Variants in SHC3 observed in about 807,000 individuals in gnomAD.
The protein encoded by SHC3 is SHC adaptor protein 3.
Under a neutral mutation model 60.4 loss-of-function variants are expected in SHC3, and 15 were observed. The ratio of observed to expected loss-of-function variants is 0.25; its 90% confidence interval spans 0.17 to 0.38. The LOEUF is 0.38. Ranked by LOEUF, SHC3 falls within the 10% of genes least tolerant of loss-of-function variation. The probability of loss-of-function intolerance (pLI) is 1.00; values close to 1 mark genes in which losing one functional copy is unlikely to be tolerated. For synonymous variants in SHC3, 294 were observed against 325.9 expected (o/e 0.90, Z 1.05); for missense variants, 677 against 786.1 (o/e 0.86, Z 1.66).
chr9:89,163,494 A>G (rs544225930), intron 1 of SHC3, among the ~76,000 whole-genome samples: 2 of 149,360 alleles, frequency 1.3e-5, no homozygotes, highest in African/African-American at 2.5e-5. Flanking sequence ...TATCGCAAGA[A>G]CAAAAAACCA....
chr9:89,071,164 A>G (rs1825264156), intron 5 of SHC3, 35 bp downstream of exon 5: 1 of 1,609,372 alleles, frequency 6.2e-7, no homozygotes, highest in Non-Finnish European at 8.5e-7. Flanking sequence ...AGAAATTCCC[A>G]ACAAGAGCAA....
chr9:89,090,059 G>A (rs1010565174), intron 2 of SHC3, among the ~76,000 whole-genome samples: 1 of 152,196 alleles, frequency 6.6e-6, no homozygotes, highest in Non-Finnish European at 1.5e-5. Flanking sequence ...GATAAATCAC[G>A]GTCAGCGAGG....
At chr9:89,066,019 A>G (rs148721433) in intron 5 of SHC3, among the ~76,000 whole-genome samples, 3 of 152,292 alleles carry the variant, frequency 2.0e-5, no homozygotes, top group Non-Finnish European at 2.9e-5. Flanking sequence ...AGGCCTGTGC[A>G]TTCGTTTTTA....
chr9:89,052,677 T>C (rs186213853), intron 6 of SHC3, among the ~76,000 whole-genome samples: 3 of 152,298 alleles, frequency 2.0e-5, no homozygotes, highest in East Asian at 1.9e-4. Flanking sequence ...TTGATCACCA[T>C]ATGTGGCCAC....
intron 7 of SHC3, 77 bp downstream of exon 7, chr9:89,051,960 C>T: frequency 6.3e-7 from 1 of 1,580,188 alleles, no homozygotes; most frequent in Non-Finnish European, 8.6e-7. Context: ...CAGAACACAG[C>T]TCAGGGATGT....
chr9:89,078,666 T>C (rs1176636398), intron 2 of SHC3, among the ~76,000 whole-genome samples: 1 of 152,056 alleles, frequency 6.6e-6, no homozygotes, highest in Non-Finnish European at 1.5e-5. Flanking sequence ...AGCTGAGGGC[T>C]AGGGTGGCAG....
At chr9:89,103,623 G>A (rs73498176) in intron 2 of SHC3, among the ~76,000 whole-genome samples, 16,723 of 152,176 alleles carry the variant, frequency 0.11, 1,035 homozygotes, top group African/African-American at 0.16. Flanking sequence ...TTATCAATAC[G>A]GAGAGCATAA....
chr9:89,021,926 A>G (rs1826208323), intron 11 of SHC3, among the ~76,000 whole-genome samples: 1 of 152,164 alleles, frequency 6.6e-6, no homozygotes, highest in African/African-American at 2.4e-5. Flanking sequence ...GGGCTTCCAG[A>G]GCAAGACTAC....
intron 1 of SHC3, among the ~76,000 whole-genome samples, chr9:89,160,378 C>T (rs565964347): frequency 6.6e-6 from 1 of 152,308 alleles, no homozygotes; most frequent in African/African-American, 2.4e-5. Context: ...CCCAGCCCAC[C>T]ACTGATCTCT....
chr9:89,109,968 A>C lies in SHC3; in HGVS notation c.545+2588T>G, dbSNP rs1240232628. 4.1e-6 allele frequency: 4 copies of C among 985,430 alleles called. No individual in the cohort carries two copies. In the East Asian group the frequency reaches 3.4e-4, roughly 84 times the overall value. The allele number at this position is 985,430 out of a possible 1,614,324, so 61.0% of individuals were successfully genotyped here. A position where few individuals can be genotyped will look rare whatever the true frequency, so the allele number is the denominator to read the frequency against. ...GTTCCTTCATTTATACCTATGCCTC[A>C]TTGTTTTATTAAGGTAAGCAAGCAA... On this transcript the variant is annotated intron_variant, in intron 2 of 11. Transcript: ENST00000375835.
chr9:89,029,604 C>T (rs1450420924), intron 11 of SHC3, among the ~76,000 whole-genome samples: 3 of 152,008 alleles, frequency 2.0e-5, no homozygotes, highest in African/African-American at 7.3e-5. Context: ...TCCAAGAGTC[C>T]AATGAAAATA....
intron 1 of SHC3, among the ~76,000 whole-genome samples, chr9:89,136,450 A>G (rs1308335587): frequency 6.6e-6 from 1 of 152,178 alleles, no homozygotes; most frequent in African/African-American, 2.4e-5. Context: ...TGGCGATGAG[A>G]GTGACTTCTG....
At chr9:89,056,435 C>T (rs1406866251) in intron 6 of SHC3, among the ~76,000 whole-genome samples, 4 of 152,108 alleles carry the variant, frequency 2.6e-5, no homozygotes, top group African/African-American at 9.7e-5. Context: ...GATAGGGTTT[C>T]ACCATGTTGA....
At chr9:89,144,913 A>G (rs1172770789) in intron 1 of SHC3, among the ~76,000 whole-genome samples, 1 of 152,150 alleles carries the variant, frequency 6.6e-6, no homozygotes, top group Non-Finnish European at 1.5e-5. Flanking sequence ...TGGCGAGGAT[A>G]TATCCTTTCT....
intron 1 of SHC3, among the ~76,000 whole-genome samples, chr9:89,171,495 C>A (rs574586125): frequency 1.4e-3 from 211 of 152,316 alleles, no homozygotes; most frequent in African/African-American, 4.9e-3. Flanking sequence ...CTGTTTGCTT[C>A]TTTTTCTGCC....
At chr9:89,065,135 G>A (rs1445729047) in intron 6 of SHC3, among the ~76,000 whole-genome samples, 1 of 152,162 alleles carries the variant, frequency 6.6e-6, no homozygotes, top group African/African-American at 2.4e-5. Flanking sequence ...CTAACCTCTA[G>A]GGCTGGCAGG....
chr9:89,064,629 C>T (rs553876265), intron 6 of SHC3, among the ~76,000 whole-genome samples: 63 of 152,180 alleles, frequency 4.1e-4, no homozygotes, highest in African/African-American at 1.4e-3. Context: ...TTTTTTTAAG[C>T]TCCCCAGGCA....
At chr9:89,177,899 C>A in intron 1 of SHC3, 88 bp downstream of exon 1, 1 of 1,137,804 alleles carries the variant, frequency 8.8e-7, no homozygotes, top group Non-Finnish European at 1.1e-6. Context: ...GGGAGCGCCC[C>A]GCACCCCGGG....
intron 2 of SHC3, among the ~76,000 whole-genome samples, chr9:89,097,106 GAAAAAAAAAAAAAAA>G (rs10523898): frequency 6.0e-4 from 49 of 81,104 alleles, no homozygotes; most frequent in African/African-American, 2.3e-3. Flanking sequence ...TCGCTCTCAT[GAAAAAAAAAAAAAAA>G]AAAAAAAAAA....
Sources: allele counts gnomAD v4.1 joint callset (sites outside exome capture counted in the v4.1 genomes callset), GRCh38; gene constraint gnomAD v4.1.1; transcripts MANE v1.5; gene names NCBI Gene and HGNC (gene_info 2026-07-23, HGNC 2026-07-21).